The following KSR2 variants were observed in gnomAD, a reference collection of about 807,000 sequenced individuals.
KSR2 encodes the protein kinase suppressor of ras 2.
KSR2 carries 25 observed loss-of-function variants against 107.8 expected under a neutral mutation model. The ratio of observed to expected loss-of-function variants is 0.23; its 90% CI spans 0.17 to 0.32. The LOEUF (loss-of-function observed/expected upper bound fraction) is 0.32, where lower values mean the gene tolerates loss of function less well. KSR2 is among the 10% of genes least tolerant of loss of function. The pLI is 1.00. For synonymous variants in KSR2, 480 were observed against 507.0 expected (o/e 0.95, Z 0.71); for missense variants, 887 against 1,268.9 (o/e 0.70, Z 4.57).
chr12:117,731,750 C>CTCTGAA (rs747194293), intron 4 of KSR2, among the ~76,000 whole-genome samples: 4 of 151,896 alleles, frequency 2.6e-5, no homozygotes, highest in Non-Finnish European at 5.9e-5. Context: ...ACCCCGTGCT[C>CTCTGAA]TCTGAAACAT....
chr12:117,474,220 T>C (rs1871639901), intron 17 of KSR2, among the ~76,000 whole-genome samples: 1 of 152,248 alleles, frequency 6.6e-6, no homozygotes, highest in Non-Finnish European at 1.5e-5. Flanking sequence ...CCAATTATTC[T>C]GGTACATTTT....
chr12:117,941,491 C>A (rs1896004391), intron 1 of KSR2, among the ~76,000 whole-genome samples: 1 of 152,058 alleles, frequency 6.6e-6, no homozygotes, highest in African/African-American at 2.4e-5. Flanking sequence ...CTTAGCTCAT[C>A]ATGATCAGTT....
At chr12:117,521,082 C>T (rs1464487771) in intron 14 of KSR2, among the ~76,000 whole-genome samples, 1 of 152,150 alleles carries the variant, frequency 6.6e-6, no homozygotes, top group Non-Finnish European at 1.5e-5. Flanking sequence ...GAACCCCTGC[C>T]CTCTCCAGTC....
intron 5 of KSR2, among the ~76,000 whole-genome samples, chr12:117,610,510 C>T (rs1040255782): frequency 6.6e-6 from 1 of 152,048 alleles, no homozygotes; most frequent in Non-Finnish European, 1.5e-5. Context: ...GAAGCTGAGG[C>T]AGGCAGATAG....
intron 7 of KSR2, among the ~76,000 whole-genome samples, chr12:117,574,958 T>C (rs1272641302): frequency 6.6e-6 from 1 of 151,520 alleles, no homozygotes; most frequent in Non-Finnish European, 1.5e-5. Flanking sequence ...CGGGAAGGGC[T>C]TTCAGAGGAC....
At chr12:117,477,193 A>G (rs1468453990) in intron 16 of KSR2, among the ~76,000 whole-genome samples, 1 of 152,086 alleles carries the variant, frequency 6.6e-6, no homozygotes, top group Non-Finnish European at 1.5e-5. Context: ...TCCATCCTCA[A>G]GGCTTCTCTG....
intron 5 of KSR2, among the ~76,000 whole-genome samples, chr12:117,599,694 G>C (rs1389811165): frequency 6.6e-6 from 1 of 151,868 alleles, no homozygotes; most frequent in Admixed American, 6.6e-5. Flanking sequence ...AAATGTCCCT[G>C]GGGGTGGAGA....
intron 3 of KSR2, among the ~76,000 whole-genome samples, chr12:117,791,714 A>G (rs546150448): frequency 1.3e-5 from 2 of 152,230 alleles, no homozygotes; most frequent in South Asian, 4.1e-4. Flanking sequence ...TTTGAATGGG[A>G]CATGGTGATG....
intron 10 of KSR2, among the ~76,000 whole-genome samples, chr12:117,535,421 GCA>G (rs1415655739): frequency 6.6e-6 from 1 of 152,148 alleles, no homozygotes; most frequent in East Asian, 1.9e-4. Flanking sequence ...CCAGATCATG[GCA>G]CAGAGTGATG....
chr12:117,956,205 G>A (rs539095798), intron 1 of KSR2, among the ~76,000 whole-genome samples: 2 of 129,468 alleles, frequency 1.5e-5, no homozygotes, highest in East Asian at 4.9e-4. Context: ...AGCCGAGATT[G>A]AGCCACTGCA....
intron 5 of KSR2, among the ~76,000 whole-genome samples, chr12:117,586,734 A>G (rs1880024355): frequency 6.6e-6 from 1 of 152,182 alleles, no homozygotes; most frequent in South Asian, 2.1e-4. Flanking sequence ...CCCTTGACAT[A>G]TATTATCCCA....
At position 117,942,128 on chromosome 12, in the gene KSR2, G is replaced by A. The variant is rs184021539; in HGVS notation, c.180+25948C>T. On this transcript the variant is annotated intron_variant, in intron 1 of 19. Transcript: ENST00000339824. ...TTGTACACATATATGGGGTTCGTGT[G>A]CTATTTTAATACAAGCATACAATGT... Among the ~76,000 whole-genome samples, 40 of 152,174 alleles carry A rather than the reference G, an allele frequency of 2.6e-4. No individual in the cohort carries two copies. In the East Asian group the frequency reaches 6.6e-3, roughly 25 times the overall value.
At chr12:117,759,094 G>A (rs1275515580) in intron 4 of KSR2, among the ~76,000 whole-genome samples, 2 of 152,154 alleles carry the variant, frequency 1.3e-5, no homozygotes, top group South Asian at 4.1e-4. Flanking sequence ...TGCATTCTAC[G>A]TCTTCAAGCT....
In KSR2 at chr12:117,869,791, T is replaced by C. The variant is rs115507565; in HGVS notation, c.181-9360A>G. ...TTCTGTGATGTCTGCTGGGACGCCT[T>C]TGTCAACGACAATAAAGCATTTTCA... On this transcript the variant is annotated intron_variant, in intron 1 of 19. Coordinates refer to ENST00000339824, the MANE Select transcript of KSR2 (RefSeq NM_173598.6). 4.9e-3 allele frequency among the ~76,000 whole-genome samples: 740 copies of C among 152,308 alleles called. 13 individuals are homozygous for C. The highest frequency in any genetic ancestry group is 0.017 in the African/African-American group (707 of 41,560).
At chr12:117,766,767 T>C (rs1361933233) in intron 3 of KSR2, among the ~76,000 whole-genome samples, 1 of 150,630 alleles carries the variant, frequency 6.6e-6, no homozygotes, top group Non-Finnish European at 1.5e-5. Flanking sequence ...GTGAGGTGGG[T>C]GACAGCAGAA....
intron 15 of KSR2, 41 bp downstream of exon 15, chr12:117,485,554 C>T: frequency 6.5e-7 from 1 of 1,527,236 alleles, no homozygotes; most frequent in Non-Finnish European, 9.1e-7. Flanking sequence ...GAAACTGGGT[C>T]TTTCTGAGAT....
chr12:117,515,082 G>A (rs1350034215), intron 14 of KSR2, among the ~76,000 whole-genome samples: 1 of 152,150 alleles, frequency 6.6e-6, no homozygotes, highest in Non-Finnish European at 1.5e-5. Flanking sequence ...GACACCGTTG[G>A]AGAATCATCC....
At chr12:117,930,025 G>A (rs1016687726) in intron 1 of KSR2, among the ~76,000 whole-genome samples, 1 of 152,006 alleles carries the variant, frequency 6.6e-6, no homozygotes, top group African/African-American at 2.4e-5. Flanking sequence ...TAAATATCAT[G>A]TATACATACC....
intron 1 of KSR2, among the ~76,000 whole-genome samples, chr12:117,952,358 C>A (rs1896390546): frequency 6.6e-6 from 1 of 152,074 alleles, no homozygotes; most frequent in African/African-American, 2.4e-5. Flanking sequence ...TTAATTTAAA[C>A]AACTTTTGGG....
Sources: allele counts gnomAD v4.1 joint callset (sites outside exome capture counted in the v4.1 genomes callset), GRCh38; gene constraint gnomAD v4.1.1; transcripts MANE v1.5; gene names NCBI Gene and HGNC (gene_info 2026-07-23, HGNC 2026-07-21).